TSPEAR: variants seen among roughly 807,000 people sequenced by gnomAD.
TSPEAR encodes the protein thrombospondin type laminin G domain and EAR repeats, also known as thrombospondin-type laminin G domain and EAR repeat-containing protein.
In TSPEAR, 69 loss-of-function variants were observed where a neutral mutation model predicts 71.6. That is an observed-to-expected ratio of 0.96 (90% CI 0.79 to 1.18). TSPEAR has a LOEUF of 1.18. Among genes scored for constraint, TSPEAR ranks in the 50% most tolerant of loss-of-function variants. The probability of loss-of-function intolerance (pLI) is 0.00; values close to 1 mark genes in which losing one functional copy is unlikely to be tolerated. For synonymous variants in TSPEAR, 402 were observed against 387.2 expected (o/e 1.04, Z -0.45); for missense variants, 971 against 894.9 (o/e 1.09, Z -1.09).
chr21:44,500,765 A>T (rs1352396662), intron 11 of TSPEAR, among the ~76,000 whole-genome samples: 5 of 152,154 alleles, frequency 3.3e-5, no homozygotes, highest in African/African-American at 1.2e-4. Flanking sequence ...TTCTTCTAAA[A>T]ATTCATATTT....
At position 44,521,888 on chromosome 21, in the gene TSPEAR, A is replaced by T; in HGVS notation, c.1561T>A (p.Phe521Ile). 1 of 1,613,318 alleles carries T rather than the reference A, an allele frequency of 6.2e-7. No individual in the cohort carries two copies. Among genetic ancestry groups the T allele is most frequent in the Non-Finnish European group, 8.5e-7 (1 of 1,179,658 alleles). ...LLGSFQLFQS[F>I]PTFGAADWEV... The stretch of plus-strand genomic sequence containing the variant: ...GCTCATGCGGGGGGCCTTACCGGGA[A>T]GGACTGGAAGAGCTGGAAGGAGCCC... The change falls in exon 9 of 12, where the codon TTC (phenylalanine) becomes ATC (isoleucine). Residue 521 changes from phenylalanine (F) to isoleucine (I), a missense_variant. Coordinates refer to ENST00000323084, the MANE Select transcript of TSPEAR (RefSeq NM_144991.3).
chr21:44,539,390 G>A, intron 2 of TSPEAR: 2 of 1,612,592 alleles, frequency 1.2e-6, no homozygotes, highest in African/African-American at 1.3e-5. Context: ...GGAGGAGGCA[G>A]GGGCACAGCA....
chr21:44,587,058 GAAAT>G (rs1249170027), intron 1 of TSPEAR, among the ~76,000 whole-genome samples: 3 of 152,170 alleles, frequency 2.0e-5, no homozygotes, highest in African/African-American at 7.2e-5. Flanking sequence ...ACAAGAGAAA[GAAAT>G]AAAAGGCATC....
chr21:44,599,473 G>A (rs587638353), intron 1 of TSPEAR, among the ~76,000 whole-genome samples: 5 of 152,302 alleles, frequency 3.3e-5, no homozygotes, highest in South Asian at 4.2e-4. Context: ...TCTCAGGGCC[G>A]CATGCATGCT....
At chr21:44,667,867 C>A (rs781987698) in intron 1 of TSPEAR, among the ~76,000 whole-genome samples, 4 of 152,210 alleles carry the variant, frequency 2.6e-5, no homozygotes, top group Non-Finnish European at 5.9e-5. Context: ...ATTCAAGATT[C>A]TTTCATGATG....
chr21:44,677,763 G>T, intron 1 of TSPEAR: 1 of 1,334,630 alleles, frequency 7.5e-7, no homozygotes, highest in Non-Finnish European at 1.1e-6. Flanking sequence ...GATTTTTAGT[G>T]GACCAGACTG....
At chr21:44,633,604 C>A (rs936016319) in intron 1 of TSPEAR, among the ~76,000 whole-genome samples, 33 of 152,116 alleles carry the variant, frequency 2.2e-4, no homozygotes, top group African/African-American at 7.5e-4. Context: ...TATATGATTT[C>A]AATAATTTTA....
At chr21:44,601,925 C>A (rs1980960676) in intron 1 of TSPEAR, 3 of 850,078 alleles carry the variant, frequency 3.5e-6, no homozygotes, top group African/African-American at 1.7e-5. Context: ...GACTTTCCCC[C>A]AATTACCCAG....
At position 44,654,363 on chromosome 21, in the gene TSPEAR, G is replaced by A. The variant is rs1984997139; in HGVS notation, c.82+57070C>T. 3 of 1,614,046 alleles carry A rather than the reference G, an allele frequency of 1.9e-6. No individual in the cohort carries two copies. The African/African-American group carries it at 4.0e-5, about 22-fold the overall frequency. On this transcript the variant is annotated intron_variant, in intron 1 of 11. Coordinates refer to ENST00000323084, the MANE Select transcript of TSPEAR (RefSeq NM_144991.3). Reference sequence around the variant, plus strand: ...GGCAGCACCCAGAGGTTGGGCAGAAGGAAGCCACACACAAAACAGGCTTGC... The same window carrying A: ...GGCAGCACCCAGAGGTTGGGCAGAAAGAAGCCACACACAAAACAGGCTTGC...
intron 1 of TSPEAR, among the ~76,000 whole-genome samples, chr21:44,572,153 G>C (rs1389345410): frequency 6.6e-6 from 1 of 152,212 alleles, no homozygotes; most frequent in Non-Finnish European, 1.5e-5. Flanking sequence ...GAAACCTCAA[G>C]CAAGTCCACG....
chr21:44,566,971 T>C (rs2053711403), intron 2 of TSPEAR, among the ~76,000 whole-genome samples: 1 of 152,022 alleles, frequency 6.6e-6, no homozygotes, highest in Non-Finnish European at 1.5e-5. Flanking sequence ...GGATATGATA[T>C]CAAAAGTACA....
intron 1 of TSPEAR, chr21:44,601,369 T>C (rs782460589): frequency 3.1e-6 from 5 of 1,609,460 alleles, no homozygotes; most frequent in South Asian, 1.1e-5. Context: ...TTCCGGTTCA[T>C]GCTGCCAGCC....
intron 2 of TSPEAR, among the ~76,000 whole-genome samples, chr21:44,565,545 T>C (rs1555921635): frequency 6.6e-6 from 1 of 152,218 alleles, no homozygotes; most frequent in East Asian, 1.9e-4. Flanking sequence ...ATCCCTGGGA[T>C]ACAAGATTGG....
intron 1 of TSPEAR, chr21:44,628,221 C>G (rs112351109): frequency 4.1e-5 from 29 of 701,794 alleles, no homozygotes; most frequent in African/African-American, 3.6e-4. Context: ...ACCTCCCCCC[C>G]GGGCAGGCGA....
chr21:44,577,570 A>G (rs782437118), intron 1 of TSPEAR, among the ~76,000 whole-genome samples: 1 of 152,168 alleles, frequency 6.6e-6, no homozygotes, highest in Non-Finnish European at 1.5e-5. Context: ...GACTTCACTC[A>G]TTATTGTGGG....
chr21:44,666,442 A>G, intron 1 of TSPEAR: 1 of 1,572,390 alleles, frequency 6.4e-7, no homozygotes, highest in Non-Finnish European at 8.6e-7. Flanking sequence ...CTGGAGATTC[A>G]TGCTCAGCAG....
chr21:44,702,820 C>A, intron 1 of TSPEAR: 1 of 1,120,626 alleles, frequency 8.9e-7, no homozygotes, highest in Non-Finnish European at 1.3e-6. Flanking sequence ...TCCCCCAGGG[C>A]CAGCCAGGCT....
chr21:44,504,149 G>GCA (rs1555911554), intron 11 of TSPEAR, among the ~76,000 whole-genome samples: 22 of 147,528 alleles, frequency 1.5e-4, no homozygotes, highest in African/African-American at 5.6e-4. Flanking sequence ...GCCCACAGTG[G>GCA]GGAAGCAAGT....
chr21:44,620,647 T>A (rs1351411733), intron 1 of TSPEAR, among the ~76,000 whole-genome samples: 2 of 152,256 alleles, frequency 1.3e-5, no homozygotes, highest in Admixed American at 6.5e-5. Flanking sequence ...GATTGATTTT[T>A]AAAATTTCTA....
Sources: gnomAD v4.1 joint callset for allele counts (sites outside exome capture counted in the v4.1 genomes callset) on GRCh38, gnomAD v4.1.1 for gene constraint, MANE v1.5 for transcripts, NCBI Gene and HGNC (gene_info 2026-07-23, HGNC 2026-07-21) for gene names.